MYOM1: variants seen among roughly 807,000 people sequenced by gnomAD.
The protein encoded by MYOM1 is myomesin-1.
Under a neutral mutation model 205.3 loss-of-function variants are expected in MYOM1, and 164 were observed. The ratio of observed to expected loss-of-function variants is 0.80; its 90% CI spans 0.70 to 0.91. MYOM1 has a LOEUF of 0.91. MYOM1 is among the 40% of genes least tolerant of loss of function. The pLI is 0.00. For missense variants in MYOM1, 2,011 were observed against 2,127.3 expected, an observed-to-expected ratio of 0.95 and a Z score of 1.08; for synonymous variants, 772 against 789.4, an observed-to-expected ratio of 0.98 and a Z score of 0.37.
At chr18:3,183,007 G>A (rs1000281377) in intron 5 of MYOM1, among the ~76,000 whole-genome samples, 5 of 132,638 alleles carry the variant, frequency 3.8e-5, no homozygotes, top group African/African-American at 5.5e-5. Context: ...TCAGCTCACC[G>A]CAACCTCCGC....
chr18:3,081,988 C>T (rs2079090526), intron 33 of MYOM1, among the ~76,000 whole-genome samples: 1 of 152,182 alleles, frequency 6.6e-6, no homozygotes, highest in African/African-American at 2.4e-5. Context: ...TTTCCACAGA[C>T]CAGGTCGGGG....
Position 3,189,061 on chromosome 18 carries a change from T to C in MYOM1, c.458A>G (p.Asp153Gly). The C allele has an allele frequency of 1.2e-6, 2 of 1,612,888 alleles. No homozygotes were observed. Among genetic ancestry groups the C allele is most frequent in the Non-Finnish European group, 1.7e-6 (2 of 1,179,250 alleles). Residue 153 changes from aspartate to glycine, a missense_variant, in exon 4 of 38, where the codon GAT becomes GGT. By Grantham distance (94) the Asp-to-Gly change is moderately conservative. Transcript: ENST00000356443. This position sits in a 1 kb window ranked among gnomAD's most constrained non-coding sequence, Gnocchi z 4.8. ...GRQKHVSGIT[D>G]TEEERIKEAA... ...TTCTTTAATTCTTTCTTCTTCCGTATCAGTAATTCCACTGACATGCTTTTG... is the reference window on the plus strand; with the variant it reads ...TTCTTTAATTCTTTCTTCTTCCGTACCAGTAATTCCACTGACATGCTTTTG...
rs2079216700 is a variant in MYOM1 at position 3,090,836 on chromosome 18, C to T, written c.3865-34G>A. The T allele has an allele frequency of 1.9e-6, 3 of 1,612,584 alleles. No individual in the cohort carries two copies. The East Asian group carries it at 6.7e-5, about 36-fold the overall frequency. The stretch of plus-strand genomic sequence containing the variant: ...TGAAAAGAAAATGACAGAGAAATCA[C>T]TGAGGCATATATTTTACTTGGAATG... On this transcript the variant is annotated intron_variant, in intron 26 of 37. Transcript: ENST00000356443.
Position 3,100,406 on chromosome 18 carries a change from T to C in MYOM1, c.3596A>G (p.Asp1199Gly). The change falls in exon 24 of 38, where the codon GAC becomes GGC. Residue 1199 changes from aspartate to glycine, a missense_variant. By Grantham distance (94) the Asp-to-Gly change is moderately conservative (BLOSUM62 -1). Transcript: ENST00000356443. Reference sequence around the variant, plus strand: ...AATACCCAAGTCATCCATCCCAAGGTCTTTGAAGGTCATTTTCGTCCTTCG... The same window carrying C: ...AATACCCAAGTCATCCATCCCAAGGCCTTTGAAGGTCATTTTCGTCCTTCG... ...KGNKTKMTFK[D>G]LGMDDLGIYS... is the part of the protein sequence containing the mutation. The C allele has an allele frequency of 6.2e-7, 1 of 1,613,804 alleles. No homozygotes were observed. Among genetic ancestry groups the C allele is most frequent in the Non-Finnish European group, 8.5e-7 (1 of 1,179,784 alleles).
At chr18:3,120,667 G>A (rs1047028464) in intron 19 of MYOM1, among the ~76,000 whole-genome samples, 2 of 152,180 alleles carry the variant, frequency 1.3e-5, no homozygotes, top group Non-Finnish European at 2.9e-5. Context: ...TTCAGCCACC[G>A]AGTCTGTGGT....
intron 29 of MYOM1, 81 bp downstream of exon 29, chr18:3,089,093 G>T: frequency 1.1e-6 from 1 of 932,764 alleles, no homozygotes; most frequent in Non-Finnish European, 1.7e-6. Context: ...AGATGGAAGA[G>T]ATGAAAAATT....
chr18:3,210,207 G>A (rs1275696190), intron 2 of MYOM1, among the ~76,000 whole-genome samples: 2 of 152,218 alleles, frequency 1.3e-5, no homozygotes, highest in Non-Finnish European at 2.9e-5. Flanking sequence ...AAGGATATTG[G>A]GGTAGGAGAT....
At chr18:3,071,468 C>CCACCTCCCAGG in intron 37 of MYOM1, among the ~76,000 whole-genome samples, 1 of 152,268 alleles carries the variant, frequency 6.6e-6, no homozygotes, top group Middle Eastern at 3.4e-3. Context: ...AAGCAACTCT[C>CCACCTCCCAGG]CTGCCTCAGC....
chr18:3,247,082 T>G, the MYOM1 span: 1 of 152,078 alleles, frequency 6.6e-6, no homozygotes, highest in African/African-American at 2.4e-5. Flanking sequence ...AGGCTGTCCT[T>G]GTTAGCCAGG....
chr18:3,105,539 C>T (rs1194480935), intron 22 of MYOM1, among the ~76,000 whole-genome samples: 1 of 151,932 alleles, frequency 6.6e-6, no homozygotes, highest in Admixed American at 6.6e-5. Flanking sequence ...AATTTGGTCC[C>T]AAACCCATGA....
chr18:3,130,017 T>C (rs142069179), intron 17 of MYOM1, among the ~76,000 whole-genome samples: 1 of 152,284 alleles, frequency 6.6e-6, no homozygotes, highest in Non-Finnish European at 1.5e-5. Flanking sequence ...TGGTTCACAT[T>C]ATAAGGAATC....
chr18:3,243,382 G>C, the MYOM1 span, among the ~76,000 whole-genome samples: 2 of 152,164 alleles, frequency 1.3e-5, no homozygotes, highest in South Asian at 4.1e-4. Context: ...AATTGCAAGT[G>C]ATCCATATAA....
rs1026162169 is a variant in MYOM1 at position 3,189,350 on chromosome 18, T to C, written c.432-263A>G. Among the ~76,000 whole-genome samples, 2 of 148,500 alleles carry C rather than the reference T, an allele frequency of 1.3e-5. No homozygotes were observed. Among genetic ancestry groups the C allele is most frequent in the African/African-American group, 4.9e-5 (2 of 41,028 alleles). ...TCTTGTTTCATCCCCTTACAAACCC[T>C]ATGAGATAAACTTTTTTTTTTTTTT... On this transcript the variant is annotated intron_variant, in intron 3 of 37. Coordinates refer to ENST00000356443, the MANE Select transcript of MYOM1 (RefSeq NM_003803.4). The surrounding 1 kb of genome is among the most constrained non-coding windows in gnomAD (Gnocchi z 4.8).
At chr18:3,237,598 C>CAA in the MYOM1 span, among the ~76,000 whole-genome samples, 279 of 53,026 alleles carry the variant, frequency 5.3e-3, no homozygotes, top group Middle Eastern at 0.012. Flanking sequence ...GACTCCGTCT[C>CAA]AAAAAAAAAA....
intron 36 of MYOM1, among the ~76,000 whole-genome samples, chr18:3,072,688 T>TTG (rs61241215): frequency 0.23 from 33,210 of 147,062 alleles, 4,311 homozygotes; most frequent in African/African-American, 0.39. Flanking sequence ...CACCGTCATA[T>TTG]TGTGTGTGTG....
chr18:3,198,829 C>T (rs1325123113), intron 2 of MYOM1, among the ~76,000 whole-genome samples: 1 of 151,752 alleles, frequency 6.6e-6, no homozygotes, highest in Admixed American at 6.6e-5. Context: ...GTAGTAAAAC[C>T]CTAGCTCAAG....
At chr18:3,072,350 C>A (rs1196625408) in intron 36 of MYOM1, among the ~76,000 whole-genome samples, 2 of 56,226 alleles carry the variant, frequency 3.6e-5, no homozygotes, top group African/African-American at 9.3e-5. Flanking sequence ...CCGCACCCGG[C>A]TTTTTTTTTT....
At chr18:3,098,502 C>G (rs1227954922) in intron 25 of MYOM1, among the ~76,000 whole-genome samples, 1 of 152,098 alleles carries the variant, frequency 6.6e-6, no homozygotes, top group African/African-American at 2.4e-5. Flanking sequence ...TGGTCTTGAA[C>G]TCCTGACCTC....
In MYOM1 at chr18:3,151,744, A is replaced by T. The variant is rs1267709780; in HGVS notation, c.1793T>A (p.Val598Asp). The T allele has an allele frequency of 6.2e-7, 1 of 1,613,836 alleles. No homozygotes were observed. The highest frequency in any genetic ancestry group is 8.5e-7 in the Non-Finnish European group (1 of 1,179,798). The change falls in exon 12 of 38, where the codon GTT (valine) becomes GAT (aspartate). Residue 598 changes from valine (V) to aspartate (D), a missense_variant. By Grantham distance (152) the Val-to-Asp change is radical (BLOSUM62 -3). Transcript: ENST00000356443. ...ATCCAGAGCAGCCACGGGCTCGGAA[A>T]CTCGAGATGGGAAACCTATTCCCAT... is the stretch of plus-strand genomic sequence containing the variant. ...NKMGIGFPSR[V>D]SEPVAALDPA... is the part of the protein sequence containing the mutation.
Sources: allele counts gnomAD v4.1 joint callset (sites outside exome capture counted in the v4.1 genomes callset), GRCh38; gene constraint gnomAD v4.1.1; non-coding constraint Gnocchi (gnomAD v3.1); transcripts MANE v1.5; gene names NCBI Gene and HGNC (gene_info 2026-07-23, HGNC 2026-07-21).